SULT2A1: variants seen among roughly 807,000 people sequenced by gnomAD.
SULT2A1 encodes the protein sulfotransferase 2A1.
Under a neutral mutation model 33.9 loss-of-function variants are expected in SULT2A1, and 43 were observed. That is an observed-to-expected ratio of 1.27 (90% CI 1.00 to 1.64). The LOEUF is 1.64. Among genes scored for constraint, SULT2A1 ranks in the 40% most tolerant of loss-of-function variants. The pLI, the probability that SULT2A1 is intolerant of heterozygous loss-of-function variation, is 0.00. For missense variants in SULT2A1, 300 were observed against 335.1 expected (o/e 0.90, Z 0.82); for synonymous variants, 125 against 113.6 (o/e 1.10, Z -0.64).
intron 2 of SULT2A1, among the ~76,000 whole-genome samples, chr19:47,883,226 T>A (rs62529856): frequency 0.018 from 2,735 of 152,082 alleles, 67 homozygotes; most frequent in African/African-American, 0.063. Flanking sequence ...TTTGTTGAAT[T>A]CAGATTGGCT....
At chr19:47,876,992 G>A (rs1442686553) in intron 4 of SULT2A1, among the ~76,000 whole-genome samples, 2 of 142,508 alleles carry the variant, frequency 1.4e-5, no homozygotes, top group Admixed American at 7.2e-5. Flanking sequence ...CAGAAGAATC[G>A]CTTGAACCCG....
intron 1 of SULT2A1, 25 bp from the exon 2 acceptor site, chr19:47,883,810 A>G (rs1298303673): frequency 1.9e-6 from 3 of 1,608,382 alleles, no homozygotes; most frequent in Non-Finnish European, 2.6e-6. Context: ...AAAAAAATAT[A>G]TAAAATGTAC....
chr19:47,878,009 C>T (rs977566797), intron 4 of SULT2A1, among the ~76,000 whole-genome samples: 2 of 152,180 alleles, frequency 1.3e-5, no homozygotes, highest in Non-Finnish European at 2.9e-5. Context: ...GTCAGACACT[C>T]GGAACCATCT....
chr19:47,885,138 C>T (rs910370032), intron 1 of SULT2A1, among the ~76,000 whole-genome samples: 2 of 152,108 alleles, frequency 1.3e-5, no homozygotes, highest in African/African-American at 2.4e-5. Context: ...CCTACGGTTT[C>T]GTAGTGTTAA....
chr19:47,879,152 G>A, intron 3 of SULT2A1, 22 bp from the exon 4 acceptor site: 1 of 1,487,610 alleles, frequency 6.7e-7, no homozygotes, highest in Non-Finnish European at 9.4e-7. Flanking sequence ...GGCAGAAAAA[G>A]TGATAGGTTA....
rs1385683191 is a variant in SULT2A1, at chr19:47,874,688, A to G, written c.714T>C (p.Tyr238=). The change falls in exon 5 of 6, where the codon TAT becomes TAC. Residue 238 remains tyrosine, a synonymous_variant. Coordinates refer to ENST00000222002, the MANE Select transcript of SULT2A1 (RefSeq NM_003167.4). ...TCAGAAGTTGTGCTTTGTCCACTAC[A>G]TAATCAACACTCAGGAGGGAATAAT... ...MSNYSLLSVD[Y]VVDKAQLLRK... 5.6e-6 allele frequency: 9 copies of G among 1,614,076 alleles called. No homozygotes were observed. Among genetic ancestry groups the G allele is most frequent in the South Asian group, 1.1e-5 (1 of 91,050 alleles).
At chr19:47,875,997 A>AT (rs1386293325) in intron 4 of SULT2A1, among the ~76,000 whole-genome samples, 74 of 152,110 alleles carry the variant, frequency 4.9e-4, no homozygotes, top group African/African-American at 1.7e-3. Flanking sequence ...AGATTAATAG[A>AT]TTTTTATTTT....
intron 4 of SULT2A1, 76 bp downstream of exon 4, chr19:47,878,960 C>A (rs73942754): frequency 1.3e-5 from 12 of 932,384 alleles, no homozygotes; most frequent in Non-Finnish European, 1.1e-5. Flanking sequence ...GAAGACACAG[C>A]GGGATGGAGG....
intron 1 of SULT2A1, 82 bp downstream of exon 1, chr19:47,886,040 A>G (rs541332992): frequency 9.8e-6 from 15 of 1,523,274 alleles, no homozygotes; most frequent in Admixed American, 1.8e-5. Context: ...ACTGTCTGAC[A>G]TAAAGGAAGA....
In SULT2A1 at chr19:47,886,218, G is replaced by A. The variant is rs914455729; in HGVS notation, c.40C>T (p.Pro14Ser). 6 of 1,614,038 alleles carry A rather than the reference G, an allele frequency of 3.7e-6. No individual in the cohort carries two copies. The highest frequency in any genetic ancestry group is 5.1e-6 in the Non-Finnish European group (6 of 1,180,008). ...GTTTCGGATCTGAAACCCATAGTAG[G>A]GAAAGCTATGCCTTCAAACCATAAG... ...DFLWFEGIAF[P>S]TMGFRSETLR... The change falls in exon 1 of 6, where the codon CCT (proline) becomes TCT (serine). Residue 14 changes from proline to serine, a missense_variant. Physicochemically the swap from Pro to Ser is moderately conservative, Grantham distance 74. Coordinates refer to ENST00000222002, the MANE Select transcript of SULT2A1 (RefSeq NM_003167.4).
intron 5 of SULT2A1, 110 bp from the exon 6 acceptor site, chr19:47,871,677 C>T (rs945008721): frequency 2.3e-5 from 17 of 730,838 alleles, no homozygotes; most frequent in African/African-American, 1.0e-4. Flanking sequence ...GCCGATGGTT[C>T]GTGGTGGGCC....
chr19:47,874,898 A>G (rs1392815956), intron 4 of SULT2A1, 64 bp from the exon 5 acceptor site: 4 of 1,471,136 alleles, frequency 2.7e-6, no homozygotes, highest in Non-Finnish European at 3.7e-6. Flanking sequence ...GTGGTGGTTC[A>G]CGCCTGTAAT....
chr19:47,877,114 T>G (rs62531009), intron 4 of SULT2A1, among the ~76,000 whole-genome samples: 2,968 of 148,948 alleles, frequency 0.02, 88 homozygotes, highest in African/African-American at 0.07. Context: ...GCCCAGACCA[T>G]AGGCCATAGA....
At chr19:47,873,534 C>T (rs888780954) in intron 5 of SULT2A1, among the ~76,000 whole-genome samples, 3 of 151,276 alleles carry the variant, frequency 2.0e-5, no homozygotes, top group African/African-American at 4.8e-5. Flanking sequence ...CACCTTACAG[C>T]GTGTGATAGC....
Position 47,883,627 on chromosome 19 carries a change from G to GGGA in SULT2A1, c.292_294dup (p.Ser98dup), listed in dbSNP as rs753053036. The stretch of plus-strand genomic sequence containing the variant: ...TTGGGGAATAACTGGATGGGGAGGT[G>GGGA]GGAGGAGAATAAACGTGGACTCTCC... On this transcript the variant is annotated inframe_insertion, in exon 2 of 6. Coordinates refer to ENST00000222002, the MANE Select transcript of SULT2A1 (RefSeq NM_003167.4). The GGGA allele has an allele frequency of 8.7e-6, 14 of 1,614,000 alleles. No individual in the cohort carries two copies. Among genetic ancestry groups the GGGA allele is most frequent in the Non-Finnish European group, 1.0e-5 (12 of 1,180,004 alleles).
At chr19:47,884,519 C>A (rs1600042252) in intron 1 of SULT2A1, among the ~76,000 whole-genome samples, 1 of 145,584 alleles carries the variant, frequency 6.9e-6, no homozygotes, top group African/African-American at 2.5e-5. Context: ...CCCTCTGTAG[C>A]CCAGGCTAGA....
intron 5 of SULT2A1, 121 bp downstream of exon 5, chr19:47,874,536 T>C (rs552225323): frequency 7.2e-6 from 5 of 694,094 alleles, no homozygotes; most frequent in Admixed American, 8.4e-5. Context: ...CAAGACTTCA[T>C]CTCGGAAAAA....
intron 3 of SULT2A1, among the ~76,000 whole-genome samples, chr19:47,880,096 G>A (rs1968588043): frequency 6.6e-6 from 1 of 151,818 alleles, no homozygotes; most frequent in Admixed American, 6.6e-5. Flanking sequence ...AATTAGCCGG[G>A]TGTGATGGCG....
At chr19:47,881,192 C>T (rs10425154) in intron 3 of SULT2A1, among the ~76,000 whole-genome samples, 6 of 151,730 alleles carry the variant, frequency 4.0e-5, no homozygotes, top group Admixed American at 6.6e-5. Flanking sequence ...CCCACCACCA[C>T]GGCCAGCTAA....
Sources: gnomAD v4.1 joint callset for allele counts (sites outside exome capture counted in the v4.1 genomes callset) on GRCh38, gnomAD v4.1.1 for gene constraint, MANE v1.5 for transcripts, NCBI Gene and HGNC (gene_info 2026-07-23, HGNC 2026-07-21) for gene names.